Variants in GRIN2A observed in about 807,000 individuals in gnomAD.
GRIN2A encodes the protein glutamate receptor ionotropic, NMDA 2A.
GRIN2A carries 22 observed loss-of-function variants against 113.4 expected under a neutral mutation model. The ratio of observed to expected loss-of-function variants is 0.19; its 90% CI spans 0.14 to 0.28. The LOEUF (loss-of-function observed/expected upper bound fraction) is 0.28, where lower values mean the gene tolerates loss of function less well. Among genes scored for constraint, GRIN2A ranks in the 10% least tolerant of loss-of-function variants. The pLI is 1.00. For synonymous variants in GRIN2A, 827 were observed against 738.4 expected, an observed-to-expected ratio of 1.12 and a Z score of -1.94; for missense variants, 1,502 against 1,887.0, an observed-to-expected ratio of 0.80 and a Z score of 3.78.
chr16:10,119,183 A>AAC (rs2048784751), intron 2 of GRIN2A, among the ~76,000 whole-genome samples: 1 of 152,188 alleles, frequency 6.6e-6, no homozygotes, highest in Non-Finnish European at 1.5e-5. Flanking sequence ...AGCTAAGGGA[A>AAC]AAAAAGCCCA....
At chr16:9,977,435 C>A (rs2045797069) in intron 2 of GRIN2A, among the ~76,000 whole-genome samples, 1 of 152,130 alleles carries the variant, frequency 6.6e-6, no homozygotes, top group Non-Finnish European at 1.5e-5. Flanking sequence ...ATAGTATTAC[C>A]TCACCCTAAA....
chr16:9,948,891 G>A (rs780770773), intron 2 of GRIN2A, among the ~76,000 whole-genome samples: 25 of 152,204 alleles, frequency 1.6e-4, no homozygotes, highest in Non-Finnish European at 2.8e-4. Flanking sequence ...CAGCGCTGCA[G>A]CTCACAAATG....
intron 2 of GRIN2A, among the ~76,000 whole-genome samples, chr16:10,159,833 T>C (rs2049775797): frequency 6.6e-6 from 1 of 152,188 alleles, no homozygotes; most frequent in Non-Finnish European, 1.5e-5. Context: ...ATTTTTGCAA[T>C]ACAAACTATC....
At chr16:9,807,000 A>G in intron 10 of GRIN2A, among the ~76,000 whole-genome samples, 1 of 151,106 alleles carries the variant, frequency 6.6e-6, no homozygotes, top group African/African-American at 2.4e-5. Context: ...ATTGTTTTAG[A>G]AGAGTTTTCC....
chr16:10,041,183 C>A (rs2141959814), intron 2 of GRIN2A, among the ~76,000 whole-genome samples: 1 of 152,334 alleles, frequency 6.6e-6, no homozygotes, highest in African/African-American at 2.4e-5. Flanking sequence ...TTCCATGAGA[C>A]CTTCCCATTT....
chr16:9,963,194 C>T (rs2045477697), intron 2 of GRIN2A, among the ~76,000 whole-genome samples: 1 of 151,448 alleles, frequency 6.6e-6, no homozygotes, highest in Admixed American at 6.6e-5. Context: ...GGGTGCAGCA[C>T]ACCAACATGG....
chr16:9,815,413 CAA>C lies in GRIN2A; in HGVS notation c.2168+6849_2168+6850del, dbSNP rs71157786. Among the ~76,000 whole-genome samples the C allele has an allele frequency of 9.4e-3, 1,048 of 111,876 alleles. 4 individuals are homozygous for C. Among genetic ancestry groups the C allele is most frequent in the Non-Finnish European group, 0.012 (647 of 51,820 alleles). 73.4% of individuals were successfully genotyped at this position (111,876 alleles called of 152,430 possible). A position where few individuals can be genotyped will look rare whatever the true frequency, so the allele number is the denominator to read the frequency against. ...AGAACTCTTAAAACCTAACAACAAC[CAA>C]AAAAAAAAAAAAAAAGAAAACCCAA... On this transcript the variant is annotated intron_variant, in intron 10 of 12. Transcript: ENST00000330684.
intron 2 of GRIN2A, among the ~76,000 whole-genome samples, chr16:10,113,186 AC>A (rs2048656299): frequency 6.8e-6 from 1 of 147,424 alleles, no homozygotes; most frequent in African/African-American, 2.5e-5. Flanking sequence ...CATGGCCCCC[AC>A]CCCAGGGACA....
At chr16:9,785,021 GTCAGTGTGGCGATTCC>G (rs1294976136) in intron 11 of GRIN2A, among the ~76,000 whole-genome samples, 1 of 152,224 alleles carries the variant, frequency 6.6e-6, no homozygotes, top group Non-Finnish European at 1.5e-5. Flanking sequence ...CATTGTGGAA[GTCAGTGTGGCGATTCC>G]TCAGGGATCT....
intron 9 of GRIN2A, 150 bp downstream of exon 9, chr16:9,829,273 G>C: frequency 1.6e-6 from 1 of 629,026 alleles, no homozygotes; most frequent in Non-Finnish European, 2.9e-6. Context: ...CTTTGAGAAA[G>C]AGGACAATTT....
chr16:9,918,487 T>A (rs2044296803), intron 3 of GRIN2A, among the ~76,000 whole-genome samples: 1 of 152,186 alleles, frequency 6.6e-6, no homozygotes. Context: ...TAAAATACTG[T>A]ATTGTATATA....
chr16:9,775,614 C>T (rs1383307537), intron 11 of GRIN2A, among the ~76,000 whole-genome samples: 1 of 152,100 alleles, frequency 6.6e-6, no homozygotes, highest in Non-Finnish European at 1.5e-5. Flanking sequence ...TTCAGGATTT[C>T]TGGGAAGGAA....
intron 2 of GRIN2A, among the ~76,000 whole-genome samples, chr16:9,940,882 C>A: frequency 6.6e-6 from 1 of 151,932 alleles, no homozygotes; most frequent in African/African-American, 2.4e-5. Context: ...AATAGGGCAA[C>A]AAGATAAAAA....
At chr16:9,808,716 G>A (rs1167437765) in intron 10 of GRIN2A, among the ~76,000 whole-genome samples, 3 of 152,086 alleles carry the variant, frequency 2.0e-5, no homozygotes, top group Admixed American at 6.5e-5. Flanking sequence ...GCACCAAGAG[G>A]CCACTCAGAA....
At chr16:10,171,496 T>C (rs1359387459) in intron 2 of GRIN2A, 2 of 152,212 alleles carry the variant, frequency 1.3e-5, no homozygotes, top group Non-Finnish European at 2.9e-5. Flanking sequence ...CACATTTAGC[T>C]TCCGTTTGCC....
In GRIN2A at chr16:10,143,146, T is replaced by C. The variant is rs571636241; in HGVS notation, c.414+36852A>G. Among the ~76,000 whole-genome samples, 105 of 152,352 alleles carry C rather than the reference T, an allele frequency of 6.9e-4. 3 individuals carry two copies. Among genetic ancestry groups the C allele is most frequent in the African/African-American group, 2.4e-3 (100 of 41,582 alleles). Reference sequence around the variant, plus strand: ...GTTCCTTCAGATTTCATGGTTGGTATGCATGTCGCTGGTGTTTGCTCCAGG... The same window carrying C: ...GTTCCTTCAGATTTCATGGTTGGTACGCATGTCGCTGGTGTTTGCTCCAGG... On this transcript the variant is annotated intron_variant, in intron 2 of 12. Transcript: ENST00000330684.
At chr16:10,067,604 C>G (rs990360902) in intron 2 of GRIN2A, among the ~76,000 whole-genome samples, 3 of 152,040 alleles carry the variant, frequency 2.0e-5, no homozygotes, top group African/African-American at 4.8e-5. Context: ...TGCGTGAAGA[C>G]AGGGTGAGAA....
At chr16:10,126,157 T>TTA (rs201684807) in intron 2 of GRIN2A, among the ~76,000 whole-genome samples, 3,348 of 102,194 alleles carry the variant, frequency 0.033, 55 homozygotes, top group Admixed American at 0.043. Context: ...ATGGATTTCT[T>TTA]TATATATATA....
At chr16:9,931,576 C>T (rs919446463) in intron 3 of GRIN2A, among the ~76,000 whole-genome samples, 3 of 152,106 alleles carry the variant, frequency 2.0e-5, no homozygotes, top group African/African-American at 7.2e-5. Context: ...TTTCTTGATG[C>T]CACACTGCCC....
Sources: gnomAD v4.1 joint callset for allele counts (sites outside exome capture counted in the v4.1 genomes callset) on GRCh38, gnomAD v4.1.1 for gene constraint, MANE v1.5 for transcripts, NCBI Gene and HGNC (gene_info 2026-07-23, HGNC 2026-07-21) for gene names.